The following SLCO2A1 variants were observed in gnomAD, a reference collection of about 807,000 sequenced individuals.
SLCO2A1 encodes solute carrier organic anion transporter family member 2A1, also known as matrin F/G 1.
A neutral mutation model predicts 71.7 loss-of-function variants in SLCO2A1; 60 were observed. That is an observed-to-expected ratio of 0.84 (90% CI 0.68 to 1.04). The LOEUF (loss-of-function observed/expected upper bound fraction) is 1.04. Ranked by LOEUF, SLCO2A1 falls within the 50% of genes least tolerant of loss-of-function variation. The pLI is 0.00. For missense variants in SLCO2A1, 745 were observed against 813.4 expected, an observed-to-expected ratio of 0.92 and a Z score of 1.02; for synonymous variants, 308 against 326.7, an observed-to-expected ratio of 0.94 and a Z score of 0.62.
Position 133,962,071 on chromosome 3 carries a change from T to TTTTTA in SLCO2A1, c.398-6883_398-6879dup, listed in dbSNP as rs540819798. On this transcript the variant is annotated intron_variant, in intron 3 of 13. Transcript: ENST00000310926. ...TCAGAATAGAGTCTTCTAGAATTTA[T>TTTTTA]TTTTATTTTATTTTATTTTATTTTT... is the stretch of plus-strand genomic sequence containing the variant. Among the ~76,000 whole-genome samples the TTTTTA allele has an allele frequency of 7.2e-5, 11 of 152,236 alleles. No homozygotes were observed. The South Asian group carries it at 8.3e-4, about 11-fold the overall frequency.
chr3:133,966,697 C>T (rs1655025821), intron 3 of SLCO2A1, among the ~76,000 whole-genome samples: 2 of 152,246 alleles, frequency 1.3e-5, no homozygotes, highest in Non-Finnish European at 2.9e-5. Flanking sequence ...AAGAAAGAAA[C>T]TCTCCTTGTT....
chr3:134,015,664 C>A lies in SLCO2A1; in HGVS notation c.96+14043G>T, dbSNP rs1177283438. On this transcript the variant is annotated intron_variant, in intron 1 of 13. Coordinates refer to ENST00000310926, the MANE Select transcript of SLCO2A1 (RefSeq NM_005630.3). Reference sequence around the variant, plus strand: ...CTTGATTTAATCACGCCACATTGCACAGATTAAAACGTCACATTGTACTCC... The same window carrying A: ...CTTGATTTAATCACGCCACATTGCAAAGATTAAAACGTCACATTGTACTCC... 2.0e-5 allele frequency among the ~76,000 whole-genome samples: 3 copies of A among 152,236 alleles called. No homozygotes were observed. The East Asian group carries it at 5.8e-4, about 29-fold the overall frequency.
chr3:133,968,619 C>T (rs758886184), intron 3 of SLCO2A1, among the ~76,000 whole-genome samples: 54 of 152,260 alleles, frequency 3.5e-4, no homozygotes, highest in Non-Finnish European at 2.9e-5. Context: ...CAGGAAGCTT[C>T]CTGCCTGCGG....
chr3:133,977,530 T>C (rs1407662487), intron 2 of SLCO2A1, among the ~76,000 whole-genome samples: 1 of 152,204 alleles, frequency 6.6e-6, no homozygotes, highest in African/African-American at 2.4e-5. Flanking sequence ...GGCTACCACC[T>C]GGGCTGAGGT....
intron 2 of SLCO2A1, among the ~76,000 whole-genome samples, chr3:133,977,800 G>A (rs559741191): frequency 6.6e-6 from 1 of 152,258 alleles, no homozygotes; most frequent in East Asian, 1.9e-4. Context: ...ACATCGATGA[G>A]GGTCATTCTG....
chr3:133,967,558 C>T (rs1335224138), intron 3 of SLCO2A1, among the ~76,000 whole-genome samples: 3 of 152,212 alleles, frequency 2.0e-5, no homozygotes, highest in Middle Eastern at 3.2e-3. Flanking sequence ...AAGTTTTGTT[C>T]TGCTCATCCG....
At chr3:133,988,664 G>A (rs564841676) in intron 1 of SLCO2A1, among the ~76,000 whole-genome samples, 2 of 152,260 alleles carry the variant, frequency 1.3e-5, no homozygotes, top group Non-Finnish European at 2.9e-5. Flanking sequence ...GGGAGAGTTC[G>A]GGGTACTGAG....
chr3:133,963,302 G>A (rs1272250642), intron 3 of SLCO2A1, among the ~76,000 whole-genome samples: 1 of 152,160 alleles, frequency 6.6e-6, no homozygotes, highest in East Asian at 1.9e-4. Context: ...TAGCCATGCC[G>A]GTGTTCAAAG....
At chr3:133,981,417 G>A (rs577730835) in intron 1 of SLCO2A1, among the ~76,000 whole-genome samples, 23 of 152,310 alleles carry the variant, frequency 1.5e-4, no homozygotes, top group African/African-American at 5.5e-4. Context: ...CCAACTGCAA[G>A]GTAACTGGAC....
At chr3:134,007,854 G>A (rs1003050951) in intron 1 of SLCO2A1, among the ~76,000 whole-genome samples, 1 of 152,144 alleles carries the variant, frequency 6.6e-6, no homozygotes, top group African/African-American at 2.4e-5. Context: ...TGTCCTCATT[G>A]TTCCTGTGTT....
chr3:133,978,052 TAGAC>T (rs1488818822), intron 2 of SLCO2A1, among the ~76,000 whole-genome samples: 1 of 152,112 alleles, frequency 6.6e-6, no homozygotes, highest in Non-Finnish European at 1.5e-5. Context: ...AGGGATGACT[TAGAC>T]AGGCTGCAGG....
At chr3:133,980,731 C>T (rs7646392) in intron 1 of SLCO2A1, among the ~76,000 whole-genome samples, 50,713 of 152,156 alleles carry the variant, frequency 0.33, 8,771 homozygotes, top group Middle Eastern at 0.39. Flanking sequence ...TTGTTCCAGG[C>T]TGTGGGGTTT....
At chr3:133,996,433 C>T (rs1163075710) in intron 1 of SLCO2A1, among the ~76,000 whole-genome samples, 1 of 152,232 alleles carries the variant, frequency 6.6e-6, no homozygotes, top group East Asian at 1.9e-4. Flanking sequence ...TGCATGGACG[C>T]CTGTCGGCTC....
intron 10 of SLCO2A1, among the ~76,000 whole-genome samples, chr3:133,944,061 C>T (rs550258859): frequency 7.7e-4 from 118 of 152,324 alleles, no homozygotes; most frequent in Middle Eastern, 3.4e-3. Flanking sequence ...GCACCAAGCC[C>T]GGCCTTTTCT....
intron 11 of SLCO2A1, among the ~76,000 whole-genome samples, chr3:133,939,577 C>G (rs1184998455): frequency 6.6e-6 from 1 of 152,200 alleles, no homozygotes; most frequent in Non-Finnish European, 1.5e-5. Context: ...TGAGGGATGG[C>G]CCAGTGAGAC....
intron 1 of SLCO2A1, among the ~76,000 whole-genome samples, chr3:133,998,257 A>C (rs9834412): frequency 0.71 from 108,616 of 152,112 alleles, 39,150 homozygotes; most frequent in Non-Finnish European, 0.77. Context: ...CAGGTGACTT[A>C]GGAAGCAGTC....
At chr3:133,942,893 T>C in intron 10 of SLCO2A1, 125 bp from the exon 11 acceptor site, 1 of 1,021,280 alleles carries the variant, frequency 9.8e-7, no homozygotes, top group Non-Finnish European at 1.4e-6. Context: ...CTGGGTCTGG[T>C]TCCCAGGGAA....
At chr3:134,006,789 C>T (rs368304839) in intron 1 of SLCO2A1, among the ~76,000 whole-genome samples, 2 of 152,282 alleles carry the variant, frequency 1.3e-5, no homozygotes, top group African/African-American at 4.8e-5. Context: ...AACATAACTG[C>T]ACAAATATCT....
chr3:134,003,678 C>T (rs920521448), intron 1 of SLCO2A1, among the ~76,000 whole-genome samples: 4 of 152,202 alleles, frequency 2.6e-5, no homozygotes, highest in Non-Finnish European at 4.4e-5. Context: ...CTGTCCTATA[C>T]CTGTCTTGAG....
Sources: gnomAD v4.1 joint callset for allele counts (sites outside exome capture counted in the v4.1 genomes callset) on GRCh38, gnomAD v4.1.1 for gene constraint, MANE v1.5 for transcripts, NCBI Gene and HGNC (gene_info 2026-07-23, HGNC 2026-07-21) for gene names.